The following CHRM3 variants were observed in gnomAD, a reference collection of about 807,000 sequenced individuals.
CHRM3 encodes the protein muscarinic acetylcholine receptor M3.
A neutral mutation model predicts 41.8 loss-of-function variants in CHRM3; 11 were observed. The ratio of observed to expected loss-of-function variants is 0.26; its 90% CI spans 0.17 to 0.44. The LOEUF is 0.44. Among genes scored for constraint, CHRM3 ranks in the 20% least tolerant of loss-of-function variants. CHRM3 has a pLI of 1.00. For synonymous variants in CHRM3, 297 were observed against 301.4 expected (o/e 0.99, Z 0.15); for missense variants, 571 against 745.4 (o/e 0.77, Z 2.72).
intron 1 of CHRM3, among the ~76,000 whole-genome samples, chr1:239,458,916 G>A (rs1032929446): frequency 4.6e-5 from 7 of 152,216 alleles, no homozygotes; most frequent in East Asian, 1.9e-4. Flanking sequence ...GAACTCTTCC[G>A]GCTACTTGCA....
intron 2 of CHRM3, among the ~76,000 whole-genome samples, chr1:239,517,568 T>C (rs1572571473): frequency 1.3e-5 from 2 of 152,332 alleles, no homozygotes; most frequent in African/African-American, 2.4e-5. Context: ...GCATATATAA[T>C]ACATGAGGTT....
At chr1:239,813,699 C>T (rs1235332206) in intron 5 of CHRM3, among the ~76,000 whole-genome samples, 5 of 144,934 alleles carry the variant, frequency 3.4e-5, no homozygotes, top group South Asian at 4.4e-4. Flanking sequence ...GGGCGGATCA[C>T]GAGGTCAGGA....
chr1:239,681,903 A>T (rs909885207), intron 5 of CHRM3, among the ~76,000 whole-genome samples: 1 of 152,154 alleles, frequency 6.6e-6, no homozygotes, highest in African/African-American at 2.4e-5. Context: ...AAAAAAAAAG[A>T]AAGATGTTAT....
chr1:239,491,762 G>A (rs1205532924), intron 1 of CHRM3, among the ~76,000 whole-genome samples: 1 of 152,138 alleles, frequency 6.6e-6, no homozygotes, highest in East Asian at 1.9e-4. Flanking sequence ...AAAACTCCAT[G>A]CTGTTTTTTG....
intron 4 of CHRM3, among the ~76,000 whole-genome samples, chr1:239,638,054 T>G (rs1436625554): frequency 6.6e-6 from 1 of 151,564 alleles, no homozygotes; most frequent in Non-Finnish European, 1.5e-5. Context: ...AGAATGATGA[T>G]TTCCAATTTC....
intron 1 of CHRM3, among the ~76,000 whole-genome samples, chr1:239,479,541 G>A (rs1666690077): frequency 6.6e-6 from 1 of 152,210 alleles, no homozygotes; most frequent in Non-Finnish European, 1.5e-5. Flanking sequence ...TCTGAGAAAT[G>A]TGTTCTTAGG....
At chr1:239,798,156 C>G (rs190497937) in intron 5 of CHRM3, among the ~76,000 whole-genome samples, 1 of 152,122 alleles carries the variant, frequency 6.6e-6, no homozygotes. Flanking sequence ...GGGAGTCACC[C>G]TTGTTTCTTC....
At chr1:239,662,735 TTTTG>T (rs1673324343) in intron 4 of CHRM3, among the ~76,000 whole-genome samples, 2 of 152,002 alleles carry the variant, frequency 1.3e-5, no homozygotes, top group South Asian at 4.2e-4. Context: ...GTGATATTGT[TTTTG>T]TTTGTTTTTC....
At chr1:239,402,598 T>G (rs970674076) in intron 1 of CHRM3, among the ~76,000 whole-genome samples, 3 of 152,198 alleles carry the variant, frequency 2.0e-5, no homozygotes, top group Non-Finnish European at 4.4e-5. Flanking sequence ...TTGTCCTTCC[T>G]CTAGGTTTCT....
chr1:239,502,620 G>A (rs1008637206), intron 2 of CHRM3, among the ~76,000 whole-genome samples: 1 of 151,968 alleles, frequency 6.6e-6, no homozygotes, highest in African/African-American at 2.4e-5. Context: ...AACCAAGAAA[G>A]GACATAACCA....
intron 2 of CHRM3, among the ~76,000 whole-genome samples, chr1:239,510,538 ATT>A (rs1295995183): frequency 4.9e-5 from 7 of 142,792 alleles, no homozygotes; most frequent in Non-Finnish European, 4.6e-5. Context: ...AACCCCTCAG[ATT>A]TTTTTTTTTT....
At chr1:239,731,308 C>A (rs1663944386) in intron 5 of CHRM3, among the ~76,000 whole-genome samples, 1 of 151,822 alleles carries the variant, frequency 6.6e-6, no homozygotes, top group African/African-American at 2.4e-5. Flanking sequence ...AGCACTCAGA[C>A]AGTGGGTAGA....
At chr1:239,513,421 G>T (rs1669055492) in intron 2 of CHRM3, among the ~76,000 whole-genome samples, 1 of 152,060 alleles carries the variant, frequency 6.6e-6, no homozygotes, top group Non-Finnish European at 1.5e-5. Flanking sequence ...CCATCTGTGT[G>T]TCTTCTTGGT....
chr1:239,899,167 T>C (rs1679266855), intron 6 of CHRM3, among the ~76,000 whole-genome samples: 1 of 152,106 alleles, frequency 6.6e-6, no homozygotes, highest in African/African-American at 2.4e-5. Context: ...GTGATATTGA[T>C]TGTCATTATG....
chr1:239,779,488 C>G (rs1413725598), intron 5 of CHRM3, among the ~76,000 whole-genome samples: 5 of 152,270 alleles, frequency 3.3e-5, no homozygotes, highest in African/African-American at 1.2e-4. Flanking sequence ...AATCCCAACA[C>G]TTCGGGAGGC....
At chr1:239,396,740 A>G (rs1333318204) in intron 1 of CHRM3, among the ~76,000 whole-genome samples, 1 of 152,226 alleles carries the variant, frequency 6.6e-6, no homozygotes, top group Non-Finnish European at 1.5e-5. Flanking sequence ...ATGCCCCCAA[A>G]GACAACTATG....
intron 1 of CHRM3, among the ~76,000 whole-genome samples, chr1:239,460,957 C>T (rs1665311518): frequency 6.6e-6 from 1 of 152,160 alleles, no homozygotes; most frequent in South Asian, 2.1e-4. Context: ...TGCAATACAG[C>T]AAACACAAAA....
At position 239,832,668 on chromosome 1, in the gene CHRM3, G is replaced by T. The variant is rs556288346; in HGVS notation, c.-20+5290G>T. 5.3e-5 allele frequency among the ~76,000 whole-genome samples: 8 copies of T among 152,036 alleles called. No homozygotes were observed. The East Asian group carries it at 1.2e-3, about 22-fold the overall frequency. On this transcript the variant is annotated intron_variant, in intron 6 of 6. Transcript: ENST00000676153. ...TAGACAGAGTAACGCATTTCCGAGA[G>T]TAAGAGGAAGAACACGTTCATCCTA...
chr1:239,414,511 G>T (rs1424317958), intron 1 of CHRM3, among the ~76,000 whole-genome samples: 1 of 152,212 alleles, frequency 6.6e-6, no homozygotes, highest in African/African-American at 2.4e-5. Flanking sequence ...ACAAATATCA[G>T]CCTCTCACTT....
Sources: gnomAD v4.1 joint callset for allele counts (sites outside exome capture counted in the v4.1 genomes callset) on GRCh38, gnomAD v4.1.1 for gene constraint, MANE v1.5 for transcripts, NCBI Gene and HGNC (gene_info 2026-07-23, HGNC 2026-07-21) for gene names.